The following TPGS2 variants were observed in gnomAD, a reference collection of about 807,000 sequenced individuals.
TPGS2 encodes polyglutamylase subunit 2.
Under a neutral mutation model 31.1 loss-of-function variants are expected in TPGS2, and 26 were observed. The ratio of observed to expected loss-of-function variants is 0.84; its 90% CI spans 0.61 to 1.16. The LOEUF (loss-of-function observed/expected upper bound fraction) is 1.16, where lower values mean the gene tolerates loss of function less well. Ranked by LOEUF, TPGS2 falls within the 50% of genes most tolerant of loss-of-function variation. The pLI is 0.00. For synonymous variants in TPGS2, 130 were observed against 136.6 expected, an observed-to-expected ratio of 0.95 and a Z score of 0.34; for missense variants, 351 against 363.8, an observed-to-expected ratio of 0.96 and a Z score of 0.29.
At chr18:36,826,572 T>A (rs1156536336) in intron 1 of TPGS2, among the ~76,000 whole-genome samples, 2 of 152,110 alleles carry the variant, frequency 1.3e-5, no homozygotes, top group African/African-American at 4.8e-5. Flanking sequence ...TCCAGTACAA[T>A]GTTGAAGAGA....
chr18:36,782,030 A>G (rs1257896127), downstream of TPGS2: 2 of 752,942 alleles, frequency 2.7e-6, no homozygotes, highest in Non-Finnish European at 3.2e-6. Context: ...GTGTTCGCCT[A>G]TTGCTTGGCA....
chr18:36,828,376 A>G (rs1568039938), intron 1 of TPGS2, among the ~76,000 whole-genome samples: 1 of 152,038 alleles, frequency 6.6e-6, no homozygotes, highest in Non-Finnish European at 1.5e-5. Context: ...CAACTTCCCA[A>G]CCGTCAGGTG....
At chr18:36,826,235 C>A (rs1600854941) in intron 1 of TPGS2, among the ~76,000 whole-genome samples, 1 of 152,264 alleles carries the variant, frequency 6.6e-6, no homozygotes, top group East Asian at 1.9e-4. Context: ...CTATGTTGCC[C>A]AGGCTGGTCT....
intron 1 of TPGS2, chr18:36,823,965 TAA>T (rs1488446777): frequency 5.9e-6 from 4 of 679,062 alleles, no homozygotes; most frequent in Middle Eastern, 7.7e-4. Context: ...CCATAATTTA[TAA>T]AGTGATTTTT....
chr18:36,827,212 A>T (rs1424211736), intron 1 of TPGS2, among the ~76,000 whole-genome samples: 3 of 152,160 alleles, frequency 2.0e-5, no homozygotes, highest in Non-Finnish European at 4.4e-5. Context: ...CCTAAATCAC[A>T]CTTGGTCTTG....
At chr18:36,797,363 C>T (rs973159487) in intron 6 of TPGS2, among the ~76,000 whole-genome samples, 5 of 150,978 alleles carry the variant, frequency 3.3e-5, no homozygotes, top group African/African-American at 1.2e-4. Flanking sequence ...TCCCAAAGCA[C>T]TAGAGGACAG....
chr18:36,800,693 C>CTTTT (rs143440654), intron 4 of TPGS2, among the ~76,000 whole-genome samples: 1 of 143,334 alleles, frequency 7.0e-6, no homozygotes, highest in African/African-American at 2.6e-5. Context: ...ATCTTTCTTT[C>CTTTT]TTTTTTTTTT....
At chr18:36,804,049 A>G (rs995882966) in intron 4 of TPGS2, among the ~76,000 whole-genome samples, 6 of 152,088 alleles carry the variant, frequency 3.9e-5, no homozygotes, top group African/African-American at 7.2e-5. Context: ...TACAGCCTCA[A>G]TCTCCTGGGA....
chr18:36,795,568 T>G lies in TPGS2; in HGVS notation c.*1237A>C. The G allele has an allele frequency of 4.1e-6, 4 of 985,434 alleles. No homozygotes were observed. The highest frequency in any genetic ancestry group is 1.7e-5 in the African/African-American group (1 of 57,356). 61.0% of individuals were successfully genotyped at this position (985,434 alleles called of 1,614,324 possible). On this transcript the variant is annotated 3_prime_UTR_variant, in exon 7 of 7. Coordinates refer to ENST00000334295, the MANE Select transcript of TPGS2 (RefSeq NM_015476.4). Reference sequence around the variant, plus strand: ...CAGCCAGGACTGTAGAGGGAGGAAATAAATAGGCATTCCTAATTGAAAATC... The same window carrying G: ...CAGCCAGGACTGTAGAGGGAGGAAAGAAATAGGCATTCCTAATTGAAAATC...
Position 36,795,111 on chromosome 18 carries a change from T to C in TPGS2, c.*1694A>G, listed in dbSNP as rs2044466568. ...GGCTAACTCTTCACCTTGGTTTTCC[T>C]CAGGGGCTATGGAAAGTGGTAGGTG... On this transcript the variant is annotated 3_prime_UTR_variant, in exon 7 of 7. Coordinates refer to ENST00000334295, the MANE Select transcript of TPGS2 (RefSeq NM_015476.4). 1 of 985,436 alleles carries C rather than the reference T, an allele frequency of 1.0e-6. No homozygotes were observed. The highest frequency in any genetic ancestry group is 1.2e-6 in the Non-Finnish European group (1 of 829,942). The allele number at this position is 985,436 out of a possible 1,614,324, so 61.0% of individuals were successfully genotyped here. A position where few individuals can be genotyped will look rare whatever the true frequency, so the allele number is the denominator to read the frequency against.
Position 36,794,449 on chromosome 18 carries a change from T to G in TPGS2, c.*2356A>C. The stretch of plus-strand genomic sequence containing the variant: ...ACCGCTGACCTCCTGGTTCCTCCGC[T>G]GCTTCACTTGTGGAATCCAGGGCTG... On this transcript the variant is annotated 3_prime_UTR_variant, in exon 7 of 7. Coordinates refer to ENST00000334295, the MANE Select transcript of TPGS2 (RefSeq NM_015476.4). 2.0e-6 allele frequency: 2 copies of G among 985,494 alleles called. No individual in the cohort carries two copies. The highest frequency in any genetic ancestry group is 2.4e-6 in the Non-Finnish European group (2 of 829,948). The allele number at this position is 985,494 out of a possible 1,614,324, so 61.0% of individuals were successfully genotyped here.
At position 36,795,896 on chromosome 18, in the gene TPGS2, CTCTT is replaced by C. The variant is rs997335776; in HGVS notation, c.*905_*908del. ...TTAACAGTGTCTGGCACCATTAAAA[CTCTT>C]TCTTTATGAAGAGTTGTGCAAAACA... On this transcript the variant is annotated 3_prime_UTR_variant, in exon 7 of 7. Coordinates refer to ENST00000334295, the MANE Select transcript of TPGS2 (RefSeq NM_015476.4). 43 of 985,340 alleles carry C rather than the reference CTCTT, an allele frequency of 4.4e-5. No individual in the cohort carries two copies. In the East Asian group the frequency reaches 1.0e-3, roughly 23 times the overall value. The allele number at this position is 985,340 out of a possible 1,614,324, so 61.0% of individuals were successfully genotyped here. A position where few individuals can be genotyped will look rare whatever the true frequency, so the allele number is the denominator to read the frequency against.
Position 36,828,895 on chromosome 18 carries a change from G to C in TPGS2, c.-128C>G, listed in dbSNP as rs1268714345. 1.7e-6 allele frequency: 2 copies of C among 1,199,294 alleles called. No homozygotes were observed. Among genetic ancestry groups the C allele is most frequent in the African/African-American group, 3.0e-5 (2 of 66,026 alleles). 74.3% of individuals were successfully genotyped at this position (1,199,294 alleles called of 1,614,324 possible). A position where few individuals can be genotyped will look rare whatever the true frequency, so the allele number is the denominator to read the frequency against. The stretch of plus-strand genomic sequence containing the variant: ...GCGCCTGAAAGCGCGGCGCAGTGAT[G>C]ATGGGGGCCCGGGGTTGGTCTGACA... On this transcript the variant is annotated 5_prime_UTR_variant, in exon 1 of 7. The change creates a new upstream start codon in the 5' untranslated region. Transcript: ENST00000334295.
chr18:36,796,085 A>T lies in TPGS2; in HGVS notation c.*720T>A, dbSNP rs2044513121. 1 of 985,360 alleles carries T rather than the reference A, an allele frequency of 1.0e-6. No homozygotes were observed. The highest frequency in any genetic ancestry group is 6.1e-5 in the Admixed American group (1 of 16,272). The allele number at this position is 985,360 out of a possible 1,614,324, so 61.0% of individuals were successfully genotyped here. ...TCACTGGAAACTGATGAGGAAGACA[A>T]ACTTTATAGGAAGCTGCAAAAGAAA... is the stretch of plus-strand genomic sequence containing the variant. On this transcript the variant is annotated 3_prime_UTR_variant, in exon 7 of 7. Transcript: ENST00000334295.
chr18:36,825,999 A>C (rs1324952989), intron 1 of TPGS2, among the ~76,000 whole-genome samples: 1 of 152,216 alleles, frequency 6.6e-6, no homozygotes, highest in Non-Finnish European at 1.5e-5. Context: ...TTTTCAGTAC[A>C]TAAGTCATGG....
At chr18:36,797,311 A>C (rs1025604878) in intron 6 of TPGS2, among the ~76,000 whole-genome samples, 6 of 152,104 alleles carry the variant, frequency 3.9e-5, no homozygotes, top group African/African-American at 1.4e-4. Flanking sequence ...ATCTGAGCAC[A>C]CCTCCTTCTG....
intron 2 of TPGS2, among the ~76,000 whole-genome samples, chr18:36,809,708 G>A (rs1047114612): frequency 2.6e-5 from 4 of 152,048 alleles, no homozygotes; most frequent in Non-Finnish European, 4.4e-5. Context: ...TGCTCCTCTC[G>A]TCGCCCCAAA....
intron 6 of TPGS2, chr18:36,798,166 C>T: frequency 8.2e-7 from 1 of 1,225,956 alleles, no homozygotes; most frequent in Non-Finnish European, 1.0e-6. Flanking sequence ...ACTGCCAACC[C>T]AGAACAAGTC....
intron 6 of TPGS2, 95 bp downstream of exon 6, chr18:36,798,354 A>G: frequency 6.3e-7 from 1 of 1,577,060 alleles, no homozygotes; most frequent in South Asian, 1.2e-5. Context: ...GATCTCCTGA[A>G]TCAGATAGGG....
Sources: allele counts gnomAD v4.1 joint callset (sites outside exome capture counted in the v4.1 genomes callset), GRCh38; gene constraint gnomAD v4.1.1; transcripts MANE v1.5; gene names NCBI Gene and HGNC (gene_info 2026-07-23, HGNC 2026-07-21).